The following RREB1 variants were observed in gnomAD, a reference collection of about 807,000 sequenced individuals.
The protein encoded by RREB1 is ras-responsive element-binding protein 1.
RREB1 carries 27 observed loss-of-function variants against 117.8 expected under a neutral mutation model. That is an observed-to-expected ratio of 0.23 (90% confidence interval 0.17 to 0.32). The LOEUF (loss-of-function observed/expected upper bound fraction) is 0.32. Among genes scored for constraint, RREB1 ranks in the 10% least tolerant of loss-of-function variants. The pLI is 1.00. For synonymous variants in RREB1, 1,298 were observed against 1,026.7 expected, an observed-to-expected ratio of 1.26 and a Z score of -5.05; for missense variants, 2,577 against 2,378.2, an observed-to-expected ratio of 1.08 and a Z score of -1.74.
At chr6:7,112,560 G>C (rs1561721173) in intron 1 of RREB1, among the ~76,000 whole-genome samples, 2 of 152,278 alleles carry the variant, frequency 1.3e-5, no homozygotes, top group East Asian at 3.9e-4. Flanking sequence ...TTTCCACAGG[G>C]GGGTGAGGGT....
At chr6:7,174,236 C>A (rs1240112965) in intron 1 of RREB1, among the ~76,000 whole-genome samples, 3 of 147,140 alleles carry the variant, frequency 2.0e-5, no homozygotes, top group Non-Finnish European at 4.4e-5. Flanking sequence ...TGTACTTTTC[C>A]GCTCTTCAAG....
At chr6:7,151,649 C>T (rs1325445948) in intron 1 of RREB1, among the ~76,000 whole-genome samples, 1 of 152,200 alleles carries the variant, frequency 6.6e-6, no homozygotes, top group African/African-American at 2.4e-5. Flanking sequence ...GGGGAGGTAA[C>T]ATTAGTGAGG....
intron 1 of RREB1, among the ~76,000 whole-genome samples, chr6:7,113,072 ATTGT>A (rs1258557219): frequency 2.6e-5 from 4 of 152,028 alleles, no homozygotes; most frequent in African/African-American, 4.8e-5. Context: ...GAGGGTGGAG[ATTGT>A]TTGTTCAGTG....
chr6:7,165,459 T>G (rs1054864865), intron 1 of RREB1, among the ~76,000 whole-genome samples: 10 of 152,340 alleles, frequency 6.6e-5, no homozygotes, highest in African/African-American at 2.4e-4. Context: ...CACAAGCGTG[T>G]TGAAGAATTC....
At chr6:7,240,265 A>G (rs1028211279) in intron 10 of RREB1, among the ~76,000 whole-genome samples, 173 bp from the exon 11 acceptor site, 1 of 150,426 alleles carries the variant, frequency 6.6e-6, no homozygotes, top group Non-Finnish European at 1.5e-5. Flanking sequence ...AGGGAGAATG[A>G]TCATTTTAGT....
intron 1 of RREB1, among the ~76,000 whole-genome samples, chr6:7,151,446 G>T (rs1763118442): frequency 6.6e-6 from 1 of 152,220 alleles, no homozygotes. Context: ...GGAGCAGCAG[G>T]CCCTGGCAAC....
intron 1 of RREB1, among the ~76,000 whole-genome samples, chr6:7,156,994 C>CT (rs1254200916): frequency 4.6e-5 from 7 of 152,196 alleles, no homozygotes; most frequent in African/African-American, 1.7e-4. Flanking sequence ...TTGGGGAGGA[C>CT]TTTGTCTGTC....
rs570954699 is a variant in RREB1, at chr6:7,126,247, G to A, written c.-285+18187G>A. On this transcript the variant is annotated intron_variant, in intron 1 of 12. Transcript: ENST00000379938. ...GAACTGCTGACCTCGTGATCCGCCCGCCTTGGCCTCCCAAAGTGCTGGGAT... is the reference window on the plus strand; with the variant it reads ...GAACTGCTGACCTCGTGATCCGCCCACCTTGGCCTCCCAAAGTGCTGGGAT... Among the ~76,000 whole-genome samples, 8 of 152,116 alleles carry A rather than the reference G, an allele frequency of 5.3e-5. No individual in the cohort carries two copies. In the East Asian group the frequency reaches 7.7e-4, roughly 15 times the overall value.
intron 1 of RREB1, among the ~76,000 whole-genome samples, chr6:7,149,220 G>A (rs1438119648): frequency 6.6e-6 from 1 of 152,156 alleles, no homozygotes; most frequent in Non-Finnish European, 1.5e-5. Flanking sequence ...ACCACGCCTG[G>A]CCATTTGTCT....
intron 6 of RREB1, among the ~76,000 whole-genome samples, chr6:7,194,245 A>G (rs965261699): frequency 5.3e-5 from 8 of 152,276 alleles, no homozygotes; most frequent in Non-Finnish European, 1.0e-4. Context: ...TTGTTTATAA[A>G]TATTTTTTTA....
intron 1 of RREB1, among the ~76,000 whole-genome samples, chr6:7,160,611 A>G (rs1293006728): frequency 6.6e-6 from 1 of 152,092 alleles, no homozygotes; most frequent in Non-Finnish European, 1.5e-5. Flanking sequence ...CTGAGCTCAA[A>G]CAATCCTCCC....
intron 1 of RREB1, among the ~76,000 whole-genome samples, chr6:7,161,238 T>C (rs1285872): frequency 0.21 from 31,481 of 151,902 alleles, 4,120 homozygotes; most frequent in African/African-American, 0.37. Context: ...TTATGACACG[T>C]CCCTCTATTG....
intron 1 of RREB1, among the ~76,000 whole-genome samples, chr6:7,127,480 AT>A (rs1561731793): frequency 6.6e-6 from 1 of 152,186 alleles, no homozygotes; most frequent in African/African-American, 2.4e-5. Context: ...TAATTCAACA[AT>A]GTTTAGACTT....
intron 11 of RREB1, among the ~76,000 whole-genome samples, chr6:7,245,198 C>T (rs761941152): frequency 7.2e-5 from 11 of 152,022 alleles, no homozygotes; most frequent in Non-Finnish European, 5.9e-5. Context: ...GAGTTCGAGA[C>T]CAGCCTGGCG....
rs1234700681 is a variant in RREB1, at chr6:7,230,655, C to T, written c.2556C>T (p.Ala852=). 1.3e-6 allele frequency: 2 copies of T among 1,599,222 alleles called. No homozygotes were observed. The highest frequency in any genetic ancestry group is 1.7e-5 in the Admixed American group (1 of 57,960). The part of the protein sequence containing the change: ...SGRGEDSGCA[A]LGDCKPLTAF... Reference sequence around the variant, plus strand: ...GCGGGGAGGACAGTGGCTGCGCTGCCCTTGGTGACTGCAAGCCCCTCACTG... The same window carrying T: ...GCGGGGAGGACAGTGGCTGCGCTGCTCTTGGTGACTGCAAGCCCCTCACTG... Residue 852 remains alanine, a synonymous_variant, in exon 10 of 13, where the codon GCC becomes GCT. Transcript: ENST00000379938.
chr6:7,231,368 G>A lies in RREB1; in HGVS notation c.3269G>A (p.Gly1090Glu), dbSNP rs756334683. The change falls in exon 10 of 13, where the codon GGG becomes GAG. Residue 1090 changes from glycine to glutamate, a missense_variant. Transcript: ENST00000379938. The part of the protein sequence containing the change: ...TLLKTKVADP[G>E]PASTGSNTTA... ...CTGAAAACCAAGGTGGCGGACCCAG[G>A]GCCCGCAAGCACTGGCAGTAACACC... 1 of 1,613,290 alleles carries A rather than the reference G, an allele frequency of 6.2e-7. No homozygotes were observed. Among genetic ancestry groups the A allele is most frequent in the Non-Finnish European group, 8.5e-7 (1 of 1,179,748 alleles).
intron 1 of RREB1, among the ~76,000 whole-genome samples, chr6:7,127,172 A>C (rs746457911): frequency 1.3e-5 from 2 of 152,060 alleles, no homozygotes; most frequent in Non-Finnish European, 2.9e-5. Flanking sequence ...CCCTGGAAAA[A>C]TGGACGGGGG....
intron 1 of RREB1, among the ~76,000 whole-genome samples, chr6:7,154,920 G>A (rs1303113245): frequency 1.3e-5 from 2 of 152,166 alleles, no homozygotes; most frequent in Non-Finnish European, 2.9e-5. Flanking sequence ...TTCATTCGTT[G>A]GTGGTTTACG....
intron 1 of RREB1, among the ~76,000 whole-genome samples, chr6:7,130,849 T>G (rs1204339789): frequency 1.3e-5 from 2 of 150,854 alleles, no homozygotes; most frequent in East Asian, 3.9e-4. Flanking sequence ...ACTTCTGACC[T>G]CATGATCCAT....
Sources: gnomAD v4.1 joint callset for allele counts (sites outside exome capture counted in the v4.1 genomes callset) on GRCh38, gnomAD v4.1.1 for gene constraint, MANE v1.5 for transcripts, NCBI Gene and HGNC (gene_info 2026-07-23, HGNC 2026-07-21) for gene names.